NTRK2: variants seen among roughly 807,000 people sequenced by gnomAD.
NTRK2 encodes BDNF/NT-3 growth factors receptor.
NTRK2 carries 13 observed loss-of-function variants against 94.5 expected under a neutral mutation model. That is an observed-to-expected ratio of 0.14 (90% CI 0.09 to 0.22). NTRK2 has a LOEUF of 0.22. Among genes scored for constraint, NTRK2 ranks in the 10% least tolerant of loss-of-function variants. The pLI is 1.00. For missense variants in NTRK2, 639 were observed against 1,071.2 expected (o/e 0.60, Z 5.63); for synonymous variants, 372 against 407.4 (o/e 0.91, Z 1.05).
intron 12 of NTRK2, chr9:84,811,474 A>T: frequency 9.4e-7 from 1 of 1,065,700 alleles, no homozygotes; most frequent in African/African-American, 1.6e-5. Flanking sequence ...GCCCTCTGCG[A>T]TCCACCTGCT....
chr9:84,696,168 C>T (rs994862492), intron 2 of NTRK2, among the ~76,000 whole-genome samples: 1 of 152,134 alleles, frequency 6.6e-6, no homozygotes, highest in Admixed American at 6.5e-5. Flanking sequence ...TGCCACCATG[C>T]CCAGCTAATT....
At chr9:84,752,854 TA>T (rs1564192046) in intron 12 of NTRK2, among the ~76,000 whole-genome samples, 1 of 152,238 alleles carries the variant, frequency 6.6e-6, no homozygotes, top group Non-Finnish European at 1.5e-5. Context: ...TGGTCTCCTA[TA>T]GATAGACACT....
chr9:84,988,633 A>T (rs1157685549), intron 17 of NTRK2, among the ~76,000 whole-genome samples: 1 of 152,246 alleles, frequency 6.6e-6, no homozygotes, highest in Non-Finnish European at 1.5e-5. Context: ...TACAGGGCCA[A>T]CATGAAGTCC....
At chr9:84,871,314 T>C (rs992071205) in intron 14 of NTRK2, among the ~76,000 whole-genome samples, 1 of 152,130 alleles carries the variant, frequency 6.6e-6, no homozygotes, top group Non-Finnish European at 1.5e-5. Flanking sequence ...CTATAATTTT[T>C]CCAGAGAAAA....
chr9:84,751,937 T>C, intron 11 of NTRK2, 49 bp from the exon 12 acceptor site: 2 of 1,360,098 alleles, frequency 1.5e-6, no homozygotes, highest in Non-Finnish European at 2.1e-6. Context: ...CATATGATTA[T>C]AGGGAACTAA....
At chr9:84,986,862 A>G (rs1828381782) in intron 17 of NTRK2, among the ~76,000 whole-genome samples, 1 of 152,210 alleles carries the variant, frequency 6.6e-6, no homozygotes, top group African/African-American at 2.4e-5. Context: ...TTATAATTTA[A>G]CTGTTCCACT....
chr9:84,958,150 T>C (rs1435111037), intron 17 of NTRK2, among the ~76,000 whole-genome samples: 1 of 151,878 alleles, frequency 6.6e-6, no homozygotes, highest in Non-Finnish European at 1.5e-5. Context: ...GTGATGAAAA[T>C]GTGCTAGAAC....
intron 11 of NTRK2, among the ~76,000 whole-genome samples, chr9:84,747,331 T>A (rs1244419889): frequency 6.6e-6 from 1 of 152,178 alleles, no homozygotes; most frequent in East Asian, 1.9e-4. Flanking sequence ...TCCTGCCGTA[T>A]GCAATCATTT....
rs375176679 is a variant in NTRK2, at chr9:84,761,628, G to C, written c.1396+9543G>C. Among the ~76,000 whole-genome samples, 39 of 152,252 alleles carry C rather than the reference G, an allele frequency of 2.6e-4. No individual in the cohort carries two copies. In the East Asian group the frequency reaches 7.1e-3, roughly 28 times the overall value. On this transcript the variant is annotated intron_variant, in intron 12 of 18. Transcript: ENST00000277120. ...TGGTGAGATCCTTTATTATTATGGTGTGTAATGATGTAATCTTTTTCTCTA... is the reference window on the plus strand; with the variant it reads ...TGGTGAGATCCTTTATTATTATGGTCTGTAATGATGTAATCTTTTTCTCTA...
intron 17 of NTRK2, among the ~76,000 whole-genome samples, chr9:84,959,476 T>A (rs1288420245): frequency 6.6e-6 from 1 of 152,200 alleles, no homozygotes; most frequent in Non-Finnish European, 1.5e-5. Flanking sequence ...GCCATGTCTC[T>A]GTGCAATTCA....
intron 12 of NTRK2, among the ~76,000 whole-genome samples, chr9:84,857,173 T>C (rs1460075471): frequency 1.3e-5 from 2 of 152,220 alleles, no homozygotes; most frequent in Non-Finnish European, 2.9e-5. Flanking sequence ...GTTTACATGC[T>C]ATTTTTTCCT....
At chr9:84,772,296 C>T (rs1055115988) in intron 12 of NTRK2, among the ~76,000 whole-genome samples, 4 of 151,958 alleles carry the variant, frequency 2.6e-5, no homozygotes, top group South Asian at 2.1e-4. Context: ...CTGTCATCAC[C>T]CAGGCTGGAC....
At chr9:84,772,695 A>G (rs1007606730) in intron 12 of NTRK2, among the ~76,000 whole-genome samples, 2 of 152,198 alleles carry the variant, frequency 1.3e-5, no homozygotes, top group African/African-American at 4.8e-5. Context: ...CATTGTCTAC[A>G]GAAATCAGGG....
chr9:84,680,006 C>G (rs2059296339), intron 2 of NTRK2, among the ~76,000 whole-genome samples: 1 of 152,086 alleles, frequency 6.6e-6, no homozygotes, highest in African/African-American at 2.4e-5. Flanking sequence ...TCTAACTGAC[C>G]TCTTTGGTTA....
chr9:84,723,539 G>T (rs1176379933), intron 6 of NTRK2, 34 bp from the exon 7 acceptor site: 1 of 1,612,964 alleles, frequency 6.2e-7, no homozygotes, highest in Non-Finnish European at 8.5e-7. Context: ...TTAACTATTT[G>T]CATATGCCTC....
chr9:84,706,553 G>A (rs561436825), intron 4 of NTRK2, among the ~76,000 whole-genome samples: 6 of 101,132 alleles, frequency 5.9e-5, no homozygotes, highest in South Asian at 3.7e-4. Flanking sequence ...TTTTTGAGAC[G>A]GAGTCTTGCT....
chr9:84,813,314 T>C, intron 12 of NTRK2: 1 of 1,018,948 alleles, frequency 9.8e-7, no homozygotes, highest in Non-Finnish European at 1.2e-6. Context: ...TGTGATTCTT[T>C]AGGAGAAACA....
At chr9:84,861,810 G>C (rs1271086574) in intron 13 of NTRK2, among the ~76,000 whole-genome samples, 2 of 152,108 alleles carry the variant, frequency 1.3e-5, no homozygotes, top group African/African-American at 4.8e-5. Flanking sequence ...TCCAAGATCC[G>C]ACCATCTTGG....
intron 6 of NTRK2, among the ~76,000 whole-genome samples, chr9:84,721,485 T>A (rs2062063388): frequency 6.6e-6 from 1 of 152,264 alleles, no homozygotes; most frequent in South Asian, 2.1e-4. Flanking sequence ...CACATACTCA[T>A]AATAATCTTT....
Sources: gnomAD v4.1 joint callset for allele counts (sites outside exome capture counted in the v4.1 genomes callset) on GRCh38, gnomAD v4.1.1 for gene constraint, MANE v1.5 for transcripts, NCBI Gene and HGNC (gene_info 2026-07-23, HGNC 2026-07-21) for gene names.